Variants in ITIH2 observed in about 807,000 individuals in gnomAD.
ITIH2 encodes the protein inter-alpha-trypsin inhibitor heavy chain H2.
In ITIH2, 103 loss-of-function variants were observed where a neutral mutation model predicts 104.4. The observed-to-expected ratio is 0.99, with a 90% confidence interval of 0.84 to 1.16. The LOEUF (loss-of-function observed/expected upper bound fraction) is 1.16, where lower values mean the gene tolerates loss of function less well. Ranked by LOEUF, ITIH2 falls within the 50% of genes most tolerant of loss-of-function variation. ITIH2 has a pLI of 0.00. For missense variants in ITIH2, 1,108 were observed against 1,162.4 expected, an observed-to-expected ratio of 0.95 and a Z score of 0.68; for synonymous variants, 436 against 435.4, an observed-to-expected ratio of 1.00 and a Z score of -0.02.
Position 7,748,685 on chromosome 10 carries a change from G to A in ITIH2, c.2694-502G>A, listed in dbSNP as rs183841450. 5.8e-3 allele frequency among the ~76,000 whole-genome samples: 873 copies of A among 151,332 alleles called. 6 individuals are homozygous for A. The highest frequency in any genetic ancestry group is 0.021 in the African/African-American group (847 of 41,260). On this transcript the variant is annotated intron_variant, in intron 20 of 20. Coordinates refer to ENST00000358415, the MANE Select transcript of ITIH2 (RefSeq NM_002216.3). ...GCCTCCCAAGTAGCTGGGACTACAG[G>A]CGTACACCACCATGCCCAGGTAATT...
chr10:7,735,226 C>A (rs561223254), intron 15 of ITIH2, 135 bp downstream of exon 15: 2 of 682,172 alleles, frequency 2.9e-6, no homozygotes, highest in East Asian at 2.8e-5. Context: ...TGTGCCCAAG[C>A]TCTTCCTGCC....
intron 3 of ITIH2, among the ~76,000 whole-genome samples, chr10:7,707,797 T>C (rs983813446): frequency 3.3e-5 from 5 of 152,190 alleles, no homozygotes; most frequent in African/African-American, 1.2e-4. Flanking sequence ...ACTCCTGACC[T>C]CGGGTGATCC....
At chr10:7,727,470 G>A (rs1450009759) in intron 10 of ITIH2, among the ~76,000 whole-genome samples, 4 of 152,192 alleles carry the variant, frequency 2.6e-5, no homozygotes, top group African/African-American at 9.7e-5. Flanking sequence ...TCTGTGCTTT[G>A]AAAGGGCTAG....
At chr10:7,732,626 C>T (rs984204285) in intron 14 of ITIH2, 149 bp downstream of exon 14, 1 of 726,976 alleles carries the variant, frequency 1.4e-6, no homozygotes, top group Non-Finnish European at 2.1e-6. Flanking sequence ...TAGTTCTGAA[C>T]ACTTCAGAGA....
chr10:7,720,754 G>A (rs1036926677), intron 6 of ITIH2, 102 bp from the exon 7 acceptor site: 12 of 695,040 alleles, frequency 1.7e-5, no homozygotes, highest in Admixed American at 4.3e-5. Flanking sequence ...GGAAACCTGC[G>A]GAGGAGAAAA....
intron 19 of ITIH2, 31 bp downstream of exon 19, chr10:7,744,994 TGGGG>T: frequency 6.3e-7 from 1 of 1,593,746 alleles, no homozygotes; most frequent in Non-Finnish European, 8.6e-7. Context: ...CTGACAAGGG[TGGGG>T]CCGCTCTAAT....
intron 1 of ITIH2, 32 bp downstream of exon 1, chr10:7,703,550 G>C (rs1334450590): frequency 3.0e-6 from 4 of 1,335,688 alleles, no homozygotes; most frequent in Non-Finnish European, 4.3e-6. Context: ...CTTGCTGTTG[G>C]CTTGTTCATG....
intron 17 of ITIH2, 97 bp from the exon 18 acceptor site, chr10:7,743,985 C>A: frequency 2.6e-6 from 2 of 759,738 alleles, no homozygotes; most frequent in South Asian, 2.6e-5. Flanking sequence ...TAATAATTTT[C>A]CAATATTGCC....
At chr10:7,735,646 T>A (rs964921916) in intron 15 of ITIH2, among the ~76,000 whole-genome samples, 3 of 151,574 alleles carry the variant, frequency 2.0e-5, no homozygotes, top group Non-Finnish European at 4.4e-5. Flanking sequence ...CATCACTGTT[T>A]TCTTTTTCTT....
chr10:7,723,042 A>G (rs1204378555), intron 8 of ITIH2, among the ~76,000 whole-genome samples: 1 of 112,082 alleles, frequency 8.9e-6, no homozygotes. Context: ...GAGTGGGGTG[A>G]AGTGAAGTGG....
At chr10:7,724,570 CAAAAAA>C (rs374923183) in intron 9 of ITIH2, among the ~76,000 whole-genome samples, 1 of 51,842 alleles carries the variant, frequency 1.9e-5, no homozygotes, top group African/African-American at 8.0e-5. Context: ...AACTCCATCT[CAAAAAA>C]AAAAAAAAAA....
chr10:7,724,646 C>G (rs1229868901), intron 9 of ITIH2, among the ~76,000 whole-genome samples: 1 of 150,528 alleles, frequency 6.6e-6, no homozygotes, highest in African/African-American at 2.4e-5. Flanking sequence ...TTTCACAGAC[C>G]CTGCCTGCCT....
chr10:7,709,189 C>T lies in ITIH2; in HGVS notation c.360C>T (p.Ser120=), dbSNP rs1210183324. ...IPKGAFISNF[S]MTVDGKTFRS... The stretch of plus-strand genomic sequence containing the variant: ...AAGGAGCATTCATTTCCAACTTCTC[C>T]ATGTGAGTAACTTCTGTGTAGAGCC... The change falls in exon 4 of 21, where the codon TCC becomes TCT. Residue 120 remains serine, a splice_region_variant and synonymous_variant. Transcript: ENST00000358415. The T allele has an allele frequency of 6.2e-7, 1 of 1,613,864 alleles. No individual in the cohort carries two copies. Among genetic ancestry groups the T allele is most frequent in the Non-Finnish European group, 8.5e-7 (1 of 1,179,778 alleles).
intron 6 of ITIH2, among the ~76,000 whole-genome samples, chr10:7,719,317 CA>C (rs996365949): frequency 2.0e-5 from 3 of 152,316 alleles, no homozygotes; most frequent in East Asian, 3.9e-4. Flanking sequence ...GTCCTTCAGG[CA>C]AATGCAGCGC....
At position 7,727,726 on chromosome 10, in the gene ITIH2, C is replaced by T. The variant is rs1834963951; in HGVS notation, c.1177C>T (p.Leu393=). ...SGGTNINEAL[L]RAIFILNEAN... ...AGGCACAAACATCAACGAAGCACTC[C>T]TACGGGCAATCTTCATTTTGAATGA... The change falls in exon 11 of 21, where the codon CTA becomes TTA. Residue 393 remains leucine (L), a synonymous_variant. Coordinates refer to ENST00000358415, the MANE Select transcript of ITIH2 (RefSeq NM_002216.3). The T allele has an allele frequency of 6.2e-7, 1 of 1,614,052 alleles. No individual in the cohort carries two copies. Among genetic ancestry groups the T allele is most frequent in the Admixed American group, 1.7e-5 (1 of 60,010 alleles).
intron 14 of ITIH2, among the ~76,000 whole-genome samples, chr10:7,733,796 G>A (rs1266131609): frequency 1.3e-5 from 2 of 152,114 alleles, no homozygotes; most frequent in Non-Finnish European, 2.9e-5. Context: ...TCTCAGGAAG[G>A]TGGAACAGGG....
chr10:7,726,903 C>T (rs1338410610), intron 9 of ITIH2, 47 bp from the exon 10 acceptor site: 2 of 1,460,822 alleles, frequency 1.4e-6, no homozygotes, highest in African/African-American at 2.8e-5. Flanking sequence ...TCCTCTGAGG[C>T]TCAGATTTTC....
chr10:7,734,247 A>C (rs1284926843), intron 14 of ITIH2, among the ~76,000 whole-genome samples: 1 of 152,188 alleles, frequency 6.6e-6, no homozygotes, highest in Non-Finnish European at 1.5e-5. Flanking sequence ...CCATTGTAAC[A>C]AATGCACCAC....
At chr10:7,713,125 G>GAAA in intron 4 of ITIH2, 56 bp from the exon 5 acceptor site, 3 of 1,097,076 alleles carry the variant, frequency 2.7e-6, no homozygotes, top group Non-Finnish European at 2.6e-6. Context: ...ATCTCGAGGG[G>GAAA]AAAAAAAAAA....
Sources: allele counts gnomAD v4.1 joint callset (sites outside exome capture counted in the v4.1 genomes callset), GRCh38; gene constraint gnomAD v4.1.1; transcripts MANE v1.5; gene names NCBI Gene and HGNC (gene_info 2026-07-23, HGNC 2026-07-21).